Variants in GEMIN7 observed in about 807,000 individuals in gnomAD.
The protein encoded by GEMIN7 is gem-associated protein 7.
In GEMIN7, 7 loss-of-function variants were observed where a neutral mutation model predicts 7.8. The ratio of observed to expected loss-of-function variants is 0.90; its 90% CI spans 0.51 to 1.69. GEMIN7 has a LOEUF of 1.69. GEMIN7 is among the 40% of genes most tolerant of loss of function. The pLI is 0.00. For missense variants in GEMIN7, 159 were observed against 176.2 expected (o/e 0.90, Z 0.55); for synonymous variants, 68 against 72.4 (o/e 0.94, Z 0.31).
At chr19:45,087,335 G>T (rs1243511140) in intron 2 of GEMIN7, among the ~76,000 whole-genome samples, 2 of 152,162 alleles carry the variant, frequency 1.3e-5, no homozygotes, top group African/African-American at 4.8e-5. Context: ...GTACAGACGG[G>T]GTTTTACTAT....
chr19:45,089,765 T>G (rs755194671), intron 2 of GEMIN7, among the ~76,000 whole-genome samples: 3 of 152,112 alleles, frequency 2.0e-5, no homozygotes, highest in Non-Finnish European at 2.9e-5. Context: ...GTGATCCTCC[T>G]GCCTTGGCCT....
rs1225219673 is a variant in GEMIN7, at chr19:45,090,144, T to C, written c.30T>C (p.Pro10=). 14 of 1,613,504 alleles carry C rather than the reference T, an allele frequency of 8.7e-6. No homozygotes were observed. Among genetic ancestry groups the C allele is most frequent in the Admixed American group, 1.7e-5 (1 of 59,970 alleles). The change falls in exon 3 of 3, where the codon CCT becomes CCC. Residue 10 remains proline, a synonymous_variant. Transcript: ENST00000270257. ...AAACTCCAGTGAACATTCCCGTGCC[T>C]GTGCTCCGGCTGCCCCGGGGCCCTG... The part of the protein sequence containing the change: MQTPVNIPV[P]VLRLPRGPDG...
chr19:45,083,084 C>T (rs575495318), intron 2 of GEMIN7, among the ~76,000 whole-genome samples: 23 of 152,250 alleles, frequency 1.5e-4, no homozygotes, highest in Middle Eastern at 3.4e-3. Context: ...AAAATACTTA[C>T]AGAGAAGGTT....
intron 2 of GEMIN7, among the ~76,000 whole-genome samples, chr19:45,086,671 A>C (rs1031424306): frequency 6.6e-6 from 1 of 152,130 alleles, no homozygotes; most frequent in Non-Finnish European, 1.5e-5. Context: ...GCAGTTCACT[A>C]TTATGGAGAA....
At chr19:45,076,287 G>T (rs1967349615), upstream of GEMIN7, 5 of 1,466,920 alleles carry the variant, frequency 3.4e-6, no homozygotes, top group Admixed American at 5.2e-5. The surrounding 1 kb of genome is among the most constrained non-coding windows in gnomAD (Gnocchi z 4.9). Flanking sequence ...CGATGACGAG[G>T]TCCTGCATTT....
At chr19:45,088,774 G>A (rs1261523585) in intron 2 of GEMIN7, 1 of 152,060 alleles carries the variant, frequency 6.6e-6, no homozygotes, top group African/African-American at 2.4e-5. Flanking sequence ...TGCCTTCTTA[G>A]TGTCCCATTC....
At chr19:45,082,148 A>G (rs1967525037) in intron 2 of GEMIN7, among the ~76,000 whole-genome samples, 2 of 152,164 alleles carry the variant, frequency 1.3e-5, no homozygotes, top group Non-Finnish European at 1.5e-5. Context: ...CAGTGGCTTC[A>G]GTCTCAGAGT....
chr19:45,083,283 A>T (rs7253976), intron 2 of GEMIN7, among the ~76,000 whole-genome samples: 90,614 of 151,992 alleles, frequency 0.6, 27,687 homozygotes, highest in African/African-American at 0.69. Context: ...CCCTGTCTCT[A>T]CTAAAATACA....
chr19:45,083,705 A>G (rs1181544092), intron 2 of GEMIN7, among the ~76,000 whole-genome samples: 2 of 143,618 alleles, frequency 1.4e-5, no homozygotes, highest in Non-Finnish European at 3.0e-5. Context: ...GGCTCACTAG[A>G]TCTTCCCACC....
At chr19:45,084,083 C>T (rs1473835716) in intron 2 of GEMIN7, among the ~76,000 whole-genome samples, 1 of 151,846 alleles carries the variant, frequency 6.6e-6, no homozygotes, top group African/African-American at 2.4e-5. Context: ...TGGTCGCGGG[C>T]ACCTGTAATC....
intron 2 of GEMIN7, among the ~76,000 whole-genome samples, chr19:45,084,148 T>C (rs139290129): frequency 0.087 from 12,928 of 148,600 alleles, 800 homozygotes; most frequent in Non-Finnish European, 0.13. Context: ...GAGGCGGACG[T>C]TGTAGTGAGC....
At chr19:45,083,422 G>T (rs570251967) in intron 2 of GEMIN7, among the ~76,000 whole-genome samples, 47 of 151,768 alleles carry the variant, frequency 3.1e-4, no homozygotes, top group Middle Eastern at 3.4e-3. Flanking sequence ...ACTCCAGCCT[G>T]GGGGATAGAG....
At chr19:45,089,009 T>G (rs1001634573) in intron 2 of GEMIN7, among the ~76,000 whole-genome samples, 1 of 151,506 alleles carries the variant, frequency 6.6e-6, no homozygotes, top group Admixed American at 6.6e-5. Context: ...TGGTGCGATC[T>G]CTGCTCACTG....
chr19:45,086,029 G>A (rs1345952317), intron 2 of GEMIN7, among the ~76,000 whole-genome samples: 8 of 148,992 alleles, frequency 5.4e-5, no homozygotes, highest in South Asian at 4.6e-4. Context: ...CACCACGCCC[G>A]GCTAATTTTT....
At chr19:45,076,423 GGCGGAGGACGCACGA>G (rs1011585188), upstream of GEMIN7, 34 of 1,204,778 alleles carry the variant, frequency 2.8e-5, no homozygotes, top group African/African-American at 2.2e-4. This position sits in a 1 kb window ranked among gnomAD's most constrained non-coding sequence, Gnocchi z 4.9. Context: ...CAGGCGGGCG[GGCGGAGGACGCACGA>G]GCGGAGGACG....
chr19:45,085,417 T>C (rs989983539), intron 2 of GEMIN7: 1 of 152,148 alleles, frequency 6.6e-6, no homozygotes, highest in African/African-American at 2.4e-5. Context: ...TGTCACAACT[T>C]GAAGATGGGA....
At chr19:45,076,840 C>G (rs1260932079), upstream of GEMIN7, 1 of 154,124 alleles carries the variant, frequency 6.5e-6, no homozygotes, top group Non-Finnish European at 1.4e-5. The surrounding 1 kb of genome is among the most constrained non-coding windows in gnomAD (Gnocchi z 4.9). Flanking sequence ...CAAGCATTCA[C>G]TGAGTGCCTC....
chr19:45,089,498 C>G (rs1967819265), intron 2 of GEMIN7, among the ~76,000 whole-genome samples: 2 of 151,982 alleles, frequency 1.3e-5, no homozygotes, highest in African/African-American at 4.8e-5. Context: ...GATAGAATTT[C>G]CTGATGGATT....
upstream of GEMIN7, chr19:45,076,440 C>T (rs1710837005): frequency 1.7e-5 from 19 of 1,146,804 alleles, no homozygotes; most frequent in Non-Finnish European, 1.9e-5. The surrounding 1 kb of genome is among the most constrained non-coding windows in gnomAD (Gnocchi z 4.9). Context: ...GACGCACGAG[C>T]GGAGGACGCG....
Sources: allele counts gnomAD v4.1 joint callset (sites outside exome capture counted in the v4.1 genomes callset), GRCh38; gene constraint gnomAD v4.1.1; non-coding constraint Gnocchi (gnomAD v3.1); transcripts MANE v1.5; gene names NCBI Gene and HGNC (gene_info 2026-07-23, HGNC 2026-07-21).